The following DNAH10 variants were observed in gnomAD, a reference collection of about 807,000 sequenced individuals.
DNAH10 encodes dynein axonemal heavy chain 10, also known as axonemal beta dynein heavy chain 10.
In DNAH10, 348 loss-of-function variants were observed where a neutral mutation model predicts 506.6. The observed-to-expected ratio is 0.69, with a 90% CI of 0.63 to 0.75. The LOEUF is 0.75. Among genes scored for constraint, DNAH10 ranks in the 30% least tolerant of loss-of-function variants. The pLI is 0.00. For synonymous variants in DNAH10, 2,059 were observed against 2,198.6 expected, an observed-to-expected ratio of 0.94 and a Z score of 1.78; for missense variants, 5,179 against 5,787.1, an observed-to-expected ratio of 0.89 and a Z score of 3.41.
intron 39 of DNAH10, among the ~76,000 whole-genome samples, chr12:123,863,056 A>C (rs1439441143): frequency 2.6e-5 from 4 of 152,230 alleles, no homozygotes; most frequent in Non-Finnish European, 5.9e-5. Context: ...AAAAATAAAA[A>C]GCTAAAAGGA....
chr12:123,766,658 A>G (rs1299811294), intron 1 of DNAH10, among the ~76,000 whole-genome samples: 2 of 152,160 alleles, frequency 1.3e-5, no homozygotes, highest in African/African-American at 4.8e-5. Flanking sequence ...ATAGATTTAT[A>G]AAAATGAAAT....
At chr12:123,840,884 G>T (rs567209343) in intron 29 of DNAH10, among the ~76,000 whole-genome samples, 1 of 152,290 alleles carries the variant, frequency 6.6e-6, no homozygotes, top group East Asian at 1.9e-4. Context: ...TGCCATGATT[G>T]TGTTTATTCC....
intron 69 of DNAH10, chr12:123,927,263 C>T: frequency 5.4e-6 from 1 of 184,856 alleles, no homozygotes. Context: ...CACCATGTTG[C>T]CCTGGCTGGT....
intron 13 of DNAH10, among the ~76,000 whole-genome samples, chr12:123,798,645 T>C (rs978236577): frequency 6.6e-6 from 1 of 151,532 alleles, no homozygotes; most frequent in Non-Finnish European, 1.5e-5. Flanking sequence ...GGAAAATCTA[T>C]TGACTTCCTT....
intron 26 of DNAH10, 32 bp from the exon 27 acceptor site, chr12:123,833,082 G>T: frequency 6.5e-7 from 1 of 1,544,998 alleles, no homozygotes; most frequent in South Asian, 1.2e-5. Flanking sequence ...CAGTTCGTGT[G>T]CCTGAATCAT....
At position 123,784,006 on chromosome 12, in the gene DNAH10, G is replaced by A. The variant is rs371503919; in HGVS notation, c.1059G>A (p.Ala353=). ...FWRERNATLS[A]LHEQTKLPIV... ...GGGAAAGAAATGCAACCTTAAGTGC[G>A]CTGCATGAACAAACAAAGCTTCCAA... is the stretch of plus-strand genomic sequence containing the variant. Residue 353 remains alanine, a synonymous_variant, in exon 8 of 79, where the codon GCG becomes GCA. Coordinates refer to ENST00000673944, the MANE Select transcript of DNAH10 (RefSeq NM_001372106.1). 62 of 1,614,068 alleles carry A rather than the reference G, an allele frequency of 3.8e-5. No individual in the cohort carries two copies. Among genetic ancestry groups the A allele is most frequent in the African/African-American group, 5.3e-5 (4 of 74,918 alleles).
rs1955198195 is a variant in DNAH10 at position 123,931,376 on chromosome 12, G to T, written c.12820G>T (p.Glu4274Ter). ...GGCCCTCCCGCTTGCCAACACGCCAGAAGTGTTTGGTCTCCACCCCAACGC... is the reference window on the plus strand; with the variant it reads ...GGCCCTCCCGCTTGCCAACACGCCATAAGTGTTTGGTCTCCACCCCAACGC... ...IEALPLANTP[E>*]VFGLHPNAEI... Residue 4274 changes from glutamate to a stop codon, truncating the protein, a stop_gained, in exon 74 of 79, where the codon GAA (glutamate) becomes TAA (stop). Coordinates refer to ENST00000673944, the MANE Select transcript of DNAH10 (RefSeq NM_001372106.1). LOFTEE classifies it high-confidence loss of function. 6.2e-7 allele frequency: 1 copy of T among 1,613,952 alleles called. No homozygotes were observed. Among genetic ancestry groups the T allele is most frequent in the African/African-American group, 1.3e-5 (1 of 75,050 alleles).
At chr12:123,775,925 T>G (rs1215582163) in intron 5 of DNAH10, among the ~76,000 whole-genome samples, 2 of 152,034 alleles carry the variant, frequency 1.3e-5, no homozygotes, top group Non-Finnish European at 2.9e-5. Context: ...AAACTTAAAA[T>G]CATGGTGGAA....
Position 123,859,173 on chromosome 12 carries a change from C to A in DNAH10, c.6654C>A (p.Phe2218Leu), listed in dbSNP as rs142142817. The A allele has an allele frequency of 1.2e-6, 2 of 1,610,888 alleles. No homozygotes were observed. The highest frequency in any genetic ancestry group is 3.4e-5 in the Admixed American group (2 of 59,470). Residue 2218 changes from phenylalanine (F) to leucine (L), a missense_variant, in exon 38 of 79, where the codon TTC becomes TTA. Phe to Leu is a conservative substitution (Grantham distance 22, BLOSUM62 0). Coordinates refer to ENST00000673944, the MANE Select transcript of DNAH10 (RefSeq NM_001372106.1). ...PIQVDKVVQM[F>L]ETMLTRHTTM... Reference sequence around the variant, plus strand: ...AGGTGGATAAAGTGGTTCAAATGTTCGAGACCATGTTAACCCGCCACACGA... The same window carrying A: ...AGGTGGATAAAGTGGTTCAAATGTTAGAGACCATGTTAACCCGCCACACGA...
intron 25 of DNAH10, 119 bp from the exon 26 acceptor site, chr12:123,830,427 G>A (rs1960418998): frequency 1.7e-6 from 2 of 1,149,062 alleles, no homozygotes; most frequent in South Asian, 3.3e-5. Context: ...TCCTCATGTT[G>A]CAGAATTTCA....
chr12:123,913,577 T>G lies in DNAH10; in HGVS notation c.10352+262T>G, dbSNP rs936384221. Among the ~76,000 whole-genome samples the G allele has an allele frequency of 4.6e-5, 7 of 152,174 alleles. No individual in the cohort carries two copies. The highest frequency in any genetic ancestry group is 1.7e-4 in the African/African-American group (7 of 41,428). The stretch of plus-strand genomic sequence containing the variant: ...GTGGAGACGGGGGAATCCATACCAT[T>G]TAGCAGGGTGCTCTAGGTTTGGGAA... On this transcript the variant is annotated intron_variant, in intron 60 of 78. Coordinates refer to ENST00000673944, the MANE Select transcript of DNAH10 (RefSeq NM_001372106.1). This position sits in a 1 kb window ranked among gnomAD's most constrained non-coding sequence, Gnocchi z 5.1.
At chr12:123,840,798 A>AT (rs1173709734) in intron 29 of DNAH10, among the ~76,000 whole-genome samples, 5 of 152,214 alleles carry the variant, frequency 3.3e-5, no homozygotes, top group Non-Finnish European at 7.3e-5. Context: ...TAGTCAACAA[A>AT]TGCCAAGTGT....
At chr12:123,834,042 C>A (rs1434673424) in intron 27 of DNAH10, among the ~76,000 whole-genome samples, 3 of 152,122 alleles carry the variant, frequency 2.0e-5, no homozygotes, top group Non-Finnish European at 4.4e-5. Context: ...ACAATCCAAG[C>A]CTTGGGTGGG....
chr12:123,881,171 C>T (rs114683405), intron 50 of DNAH10, among the ~76,000 whole-genome samples: 4,299 of 152,168 alleles, frequency 0.028, 215 homozygotes, highest in African/African-American at 0.097. Flanking sequence ...TGCCCAGTAA[C>T]GGGATGGCTG....
rs144699449 is a variant in DNAH10, at chr12:123,813,308, G to A, written c.3289G>A (p.Val1097Ile). The change falls in exon 20 of 79, where the codon GTC becomes ATC. Residue 1097 changes from valine (V) to isoleucine (I), a missense_variant. Coordinates refer to ENST00000673944, the MANE Select transcript of DNAH10 (RefSeq NM_001372106.1). ...ACAAGCTGTTATGATCCCCCAAAATGTCCACAGGATTCTGATCAATCTTAT... is the reference window on the plus strand; with the variant it reads ...ACAAGCTGTTATGATCCCCCAAAATATCCACAGGATTCTGATCAATCTTAT... ...IEQAVMIPQN[V>I]HRILINLMKY... is the part of the protein sequence containing the mutation. 4.9e-4 allele frequency: 786 copies of A among 1,614,058 alleles called. 1 individual carries two copies. The highest frequency in any genetic ancestry group is 6.3e-4 in the Non-Finnish European group (741 of 1,180,044).
intron 57 of DNAH10, among the ~76,000 whole-genome samples, chr12:123,904,320 A>G (rs1386993627): frequency 6.6e-6 from 1 of 152,174 alleles, no homozygotes; most frequent in Admixed American, 6.5e-5. Flanking sequence ...GGAAGTGCAC[A>G]CCCAGCGGAG....
At chr12:123,826,287 T>C (rs1959985583) in intron 24 of DNAH10, among the ~76,000 whole-genome samples, 1 of 152,174 alleles carries the variant, frequency 6.6e-6, no homozygotes, top group African/African-American at 2.4e-5. Context: ...AGTGTAAATA[T>C]TTTGTAACCT....
rs1955032000 is a variant in DNAH10, at chr12:123,928,224, T to C, written c.12106-163T>C. On this transcript the variant is annotated intron_variant, in intron 69 of 78. Coordinates refer to ENST00000673944, the MANE Select transcript of DNAH10 (RefSeq NM_001372106.1). The surrounding 1 kb of genome is among the most constrained non-coding windows in gnomAD (Gnocchi z 4.9). The stretch of plus-strand genomic sequence containing the variant: ...CGGGGCCCATGGGGTTTCTCAAAGA[T>C]GGTTTATTTGAAGGCTCCACCTGTA... 1 of 764,616 alleles carries C rather than the reference T, an allele frequency of 1.3e-6. No homozygotes were observed. Among genetic ancestry groups the C allele is most frequent in the Non-Finnish European group, 2.1e-6 (1 of 484,812 alleles). The allele number at this position is 764,616 out of a possible 1,614,324, so 47.4% of individuals were successfully genotyped here. A position where few individuals can be genotyped will look rare whatever the true frequency, so the allele number is the denominator to read the frequency against.
intron 35 of DNAH10, among the ~76,000 whole-genome samples, chr12:123,852,961 A>G (rs1484760704): frequency 7.7e-6 from 1 of 129,964 alleles, no homozygotes; most frequent in Non-Finnish European, 1.7e-5. Flanking sequence ...TCTGTTCTTT[A>G]AATTAAGATA....
Sources: allele counts gnomAD v4.1 joint callset (sites outside exome capture counted in the v4.1 genomes callset), GRCh38; gene constraint gnomAD v4.1.1; non-coding constraint Gnocchi (gnomAD v3.1); transcripts MANE v1.5; gene names NCBI Gene and HGNC (gene_info 2026-07-23, HGNC 2026-07-21).